The following CFAP221 variants were observed in gnomAD, a reference collection of about 807,000 sequenced individuals.
The protein encoded by CFAP221 is cilia- and flagella-associated protein 221.
Under a neutral mutation model 113.1 loss-of-function variants are expected in CFAP221, and 97 were observed. That is an observed-to-expected ratio of 0.86 (90% CI 0.73 to 1.02). The LOEUF is 1.02. CFAP221 is among the 50% of genes least tolerant of loss of function. The probability of loss-of-function intolerance (pLI) is 0.00; values close to 1 mark genes in which losing one functional copy is unlikely to be tolerated. For synonymous variants in CFAP221, 331 were observed against 354.4 expected, an observed-to-expected ratio of 0.93 and a Z score of 0.74; for missense variants, 1,025 against 1,013.4, an observed-to-expected ratio of 1.01 and a Z score of -0.16.
At chr2:119,562,252 G>C (rs199955205) in intron 6 of CFAP221, 138 bp downstream of exon 6, 17 of 173,362 alleles carry the variant, frequency 9.8e-5, no homozygotes, top group South Asian at 2.9e-4. Context: ...ATTGTAAAAG[G>C]CAAAAAAAAA....
intron 6 of CFAP221, among the ~76,000 whole-genome samples, chr2:119,570,356 C>A (rs1250355898): frequency 6.6e-6 from 1 of 152,208 alleles, no homozygotes; most frequent in East Asian, 1.9e-4. Flanking sequence ...AACAAAGACA[C>A]ACTTATACTT....
intron 3 of CFAP221, chr2:119,557,110 G>C (rs1464952166): frequency 6.6e-6 from 1 of 152,166 alleles, no homozygotes; most frequent in African/African-American, 2.4e-5. Context: ...TTTGAGGACA[G>C]ATCTCTGTTC....
Position 119,560,089 on chromosome 2 carries a change from C to G in CFAP221, c.426+63C>G, listed in dbSNP as rs1573998697. 2.5e-6 allele frequency: 3 copies of G among 1,193,352 alleles called. No homozygotes were observed. The East Asian group carries it at 8.1e-5, about 32-fold the overall frequency. The allele number at this position is 1,193,352 out of a possible 1,614,324, so 73.9% of individuals were successfully genotyped here. ...TTGATGGTGGGTTAAAACTTACATT[C>G]TCAATGGTGGCAGAAAGAGAGGTGG... On this transcript the variant is annotated intron_variant, in intron 5 of 23. Transcript: ENST00000413369.
intron 15 of CFAP221, 188 bp downstream of exon 15, chr2:119,625,876 G>C: frequency 1.7e-6 from 1 of 577,222 alleles, no homozygotes; most frequent in South Asian, 2.2e-5. Flanking sequence ...GACTAGGTTA[G>C]TCATCATTTA....
chr2:119,605,474 C>A (rs1231292479), intron 11 of CFAP221, among the ~76,000 whole-genome samples, 185 bp downstream of exon 11: 1 of 152,222 alleles, frequency 6.6e-6, no homozygotes, highest in African/African-American at 2.4e-5. Flanking sequence ...TGTGACCAAA[C>A]CACACTGTTT....
chr2:119,641,919 C>T (rs992642445), intron 21 of CFAP221, among the ~76,000 whole-genome samples: 1 of 152,190 alleles, frequency 6.6e-6, no homozygotes, highest in African/African-American at 2.4e-5. Flanking sequence ...CTGACCATGT[C>T]CACCCGTTGT....
intron 7 of CFAP221, among the ~76,000 whole-genome samples, chr2:119,594,695 A>G (rs1459122754): frequency 1.3e-5 from 2 of 152,248 alleles, no homozygotes; most frequent in Non-Finnish European, 2.9e-5. Flanking sequence ...CAGCAAAAGA[A>G]TAATGTGGAA....
intron 11 of CFAP221, among the ~76,000 whole-genome samples, chr2:119,606,159 A>C (rs1032673279): frequency 6.7e-6 from 1 of 149,500 alleles, no homozygotes; most frequent in African/African-American, 2.5e-5. Flanking sequence ...GCGTGCCACC[A>C]TGCCCAGCAA....
At chr2:119,560,743 A>G (rs1036997355) in intron 5 of CFAP221, among the ~76,000 whole-genome samples, 1 of 152,100 alleles carries the variant, frequency 6.6e-6, no homozygotes. Context: ...AATTTCCTAC[A>G]ATCTGCACAA....
chr2:119,574,221 G>T (rs765207328), intron 6 of CFAP221, among the ~76,000 whole-genome samples: 1 of 152,168 alleles, frequency 6.6e-6, no homozygotes, highest in Non-Finnish European at 1.5e-5. Context: ...TGGGAACAAC[G>T]TCTAGAGCAG....
At chr2:119,615,863 TTATAGAGCTGGGCAGCCATCACCCC>T (rs1298701470) in intron 14 of CFAP221, among the ~76,000 whole-genome samples, 154 bp downstream of exon 14, 4 of 152,196 alleles carry the variant, frequency 2.6e-5, no homozygotes, top group African/African-American at 9.7e-5. Context: ...TTTAGTATAT[TTATAGAGCTGGGCAGCCATCACCCC>T]TATCTAATTT....
chr2:119,635,611 G>A (rs1189535547), intron 19 of CFAP221, among the ~76,000 whole-genome samples: 6 of 152,106 alleles, frequency 3.9e-5, no homozygotes, highest in African/African-American at 1.4e-4. Context: ...TGTTTATGAC[G>A]GCAATGGTTT....
intron 21 of CFAP221, among the ~76,000 whole-genome samples, chr2:119,640,481 A>G (rs2013436): frequency 0.95 from 143,995 of 152,290 alleles, 68,160 homozygotes; most frequent in East Asian, 0.99. Flanking sequence ...TAAGATATCA[A>G]AGAAGTAGCC....
intron 14 of CFAP221, among the ~76,000 whole-genome samples, chr2:119,623,482 C>G (rs1403389723): frequency 2.0e-5 from 3 of 152,146 alleles, no homozygotes; most frequent in African/African-American, 7.2e-5. Context: ...CATCAAGCTG[C>G]CATTGACTTT....
At chr2:119,627,610 T>TA (rs1686405438) in intron 15 of CFAP221, 43 bp from the exon 16 acceptor site, 1 of 1,582,630 alleles carries the variant, frequency 6.3e-7, no homozygotes, top group Admixed American at 1.8e-5. Context: ...CCCATAAAAA[T>TA]ACCTTTAGTA....
chr2:119,651,668 A>G (rs1416755369), intron 22 of CFAP221, among the ~76,000 whole-genome samples: 1 of 152,212 alleles, frequency 6.6e-6, no homozygotes, highest in Non-Finnish European at 1.5e-5. Flanking sequence ...TTATAGCCCA[A>G]GATATGGTCA....
intron 6 of CFAP221, chr2:119,572,616 T>TC: frequency 1.4e-6 from 1 of 695,276 alleles, no homozygotes; most frequent in Non-Finnish European, 2.6e-6. Flanking sequence ...CCAGTTGCTC[T>TC]CCCATCAACT....
At chr2:119,597,005 G>T (rs973793079) in intron 7 of CFAP221, among the ~76,000 whole-genome samples, 5 of 152,220 alleles carry the variant, frequency 3.3e-5, no homozygotes, top group Admixed American at 6.5e-5. Context: ...CTCTTCCTGT[G>T]TAAGAACTCA....
rs757171005 is a variant in CFAP221 at position 119,604,761 on chromosome 2, C to G, written c.881C>G (p.Pro294Arg). 3.2e-6 allele frequency: 5 copies of G among 1,542,760 alleles called. No homozygotes were observed. In the Admixed American group the frequency reaches 6.7e-5, roughly 21 times the overall value. Residue 294 changes from proline to arginine, a missense_variant, in exon 9 of 24, where the codon CCG becomes CGG. Coordinates refer to ENST00000413369, the MANE Select transcript of CFAP221 (RefSeq NM_001271049.2). ...KAMMHINFHR[P>R]PAKPKPQKVK... The stretch of plus-strand genomic sequence containing the variant: ...ATGATGCATATAAATTTTCACCGAC[C>G]GCCAGCGAAGCCGAAGCCTCAGAAG...
Sources: gnomAD v4.1 joint callset for allele counts (sites outside exome capture counted in the v4.1 genomes callset) on GRCh38, gnomAD v4.1.1 for gene constraint, MANE v1.5 for transcripts, NCBI Gene and HGNC (gene_info 2026-07-23, HGNC 2026-07-21) for gene names.